COG1: variants seen among roughly 807,000 people sequenced by gnomAD.
The protein encoded by COG1 is component of oligomeric golgi complex 1, also known as conserved oligomeric Golgi complex subunit 1.
Under a neutral mutation model 102.2 loss-of-function variants are expected in COG1, and 61 were observed. The ratio of observed to expected loss-of-function variants is 0.60; its 90% confidence interval spans 0.49 to 0.74. The LOEUF is 0.74. Ranked by LOEUF, COG1 falls within the 30% of genes least tolerant of loss-of-function variation. The probability of loss-of-function intolerance (pLI) is 0.00; values close to 1 mark genes in which losing one functional copy is unlikely to be tolerated. For missense variants in COG1, 1,164 were observed against 1,232.1 expected (o/e 0.94, Z 0.83); for synonymous variants, 454 against 493.6 (o/e 0.92, Z 1.06).
intron 13 of COG1, chr17:73,207,730 ATCC>A (rs1160470688): frequency 1.2e-5 from 15 of 1,291,628 alleles, no homozygotes; most frequent in South Asian, 2.5e-5. Flanking sequence ...GCCTGCAGGA[ATCC>A]TCCTGGGTAT....
chr17:73,200,652 T>C lies in COG1; in HGVS notation c.1157T>C (p.Met386Thr), dbSNP rs200459268. ...MKGLAGIRDAMWELLTNESTN... is the reference protein window; with the variant it reads ...MKGLAGIRDATWELLTNESTN... ...GGTCTCGCGGGAATCCGGGACGCCA[T>C]GTGGGAGTTACTTACCAATGAGTCC... The change falls in exon 6 of 14, where the codon ATG (methionine) becomes ACG (threonine). Residue 386 changes from methionine (M) to threonine (T), a missense_variant. By Grantham distance (81) the Met-to-Thr change is moderately conservative. Transcript: ENST00000299886. 1.9e-5 allele frequency: 30 copies of C among 1,614,170 alleles called. No individual in the cohort carries two copies. Among genetic ancestry groups the C allele is most frequent in the East Asian group, 2.2e-5 (1 of 44,874 alleles).
rs74430181 is a variant in COG1, at chr17:73,200,348, G to A, written c.1071-218G>A. ...AGGGTCCAGACTTGCGTATATCCTCGGGGAAGCAAGGGTAGGCCTGGTGTG... is the reference window on the plus strand; with the variant it reads ...AGGGTCCAGACTTGCGTATATCCTCAGGGAAGCAAGGGTAGGCCTGGTGTG... On this transcript the variant is annotated intron_variant, in intron 5 of 13. Coordinates refer to ENST00000299886, the MANE Select transcript of COG1 (RefSeq NM_018714.3). Among the ~76,000 whole-genome samples, 20 of 152,164 alleles carry A rather than the reference G, an allele frequency of 1.3e-4. 1 individual carries two copies. The East Asian group carries it at 3.9e-3, about 29-fold the overall frequency.
Position 73,196,618 on chromosome 17 carries a change from G to A in COG1, c.427G>A (p.Ala143Thr), listed in dbSNP as rs747933899. The A allele has an allele frequency of 8.1e-6, 13 of 1,614,048 alleles. No homozygotes were observed. Among genetic ancestry groups the A allele is most frequent in the African/African-American group, 8.0e-5 (6 of 74,916 alleles). Reference sequence around the variant, plus strand: ...GATGGAAGCCTCTCAGTGTCTCCACGCCACACAGCTCTACCTGCTCTGCTG... The same window carrying A: ...GATGGAAGCCTCTCAGTGTCTCCACACCACACAGCTCTACCTGCTCTGCTG... ...SSMEASQCLH[A>T]TQLYLLCCHL... The change falls in exon 2 of 14, where the codon GCC becomes ACC. Residue 143 changes from alanine (A) to threonine (T), a missense_variant. Coordinates refer to ENST00000299886, the MANE Select transcript of COG1 (RefSeq NM_018714.3).
Position 73,199,859 on chromosome 17 carries a change from C to T in COG1, c.914-6C>T. The T allele has an allele frequency of 6.2e-7, 1 of 1,614,180 alleles. No homozygotes were observed. Among genetic ancestry groups the T allele is most frequent in the African/African-American group, 1.3e-5 (1 of 75,058 alleles). ...TAGATGGCTTCTCACTTGGCCTTCT[C>T]TTTAGGAAAGGGCACTGGTGTCCTG... On this transcript the variant is annotated splice_polypyrimidine_tract_variant and splice_region_variant and intron_variant, in intron 4 of 13. Transcript: ENST00000299886.
intron 7 of COG1, 37 bp downstream of exon 7, chr17:73,201,937 C>G: frequency 6.3e-7 from 1 of 1,590,426 alleles, no homozygotes; most frequent in Admixed American, 1.7e-5. Context: ...TCTTGTCTCA[C>G]TTCTGTCATA....
rs982941411 is a variant in COG1, at chr17:73,200,607, T to C, written c.1112T>C (p.Met371Thr). ...AAAAATGGGATCACCAACCTGCTCA[T>C]GTACGTGAAGAGCATGAAGGGTCTC... ...DIKNGITNLLMYVKSMKGLAG... is the reference protein window; with the variant it reads ...DIKNGITNLLTYVKSMKGLAG... The change falls in exon 6 of 14, where the codon ATG becomes ACG. Residue 371 changes from methionine (M) to threonine (T), a missense_variant. Physicochemically the swap from Met to Thr is moderately conservative, Grantham distance 81. Transcript: ENST00000299886. 10 of 1,614,056 alleles carry C rather than the reference T, an allele frequency of 6.2e-6. No individual in the cohort carries two copies. The highest frequency in any genetic ancestry group is 2.7e-5 in the African/African-American group (2 of 74,920).
chr17:73,205,789 T>A, intron 10 of COG1, 109 bp downstream of exon 10: 1 of 1,424,324 alleles, frequency 7.0e-7, no homozygotes, highest in Non-Finnish European at 9.9e-7. Flanking sequence ...ATTCATTGTG[T>A]TTGTTTTGAA....
At chr17:73,195,011 G>T (rs1449999126) in intron 1 of COG1, among the ~76,000 whole-genome samples, 1 of 152,170 alleles carries the variant, frequency 6.6e-6, no homozygotes, top group Non-Finnish European at 1.5e-5. Flanking sequence ...GCATATTTTT[G>T]AAATGAGTGA....
At chr17:73,198,507 G>T (rs1177051810) in intron 4 of COG1, among the ~76,000 whole-genome samples, 1 of 152,192 alleles carries the variant, frequency 6.6e-6, no homozygotes, top group Non-Finnish European at 1.5e-5. Context: ...GATCATTTGA[G>T]CCAGGGAGGT....
At position 73,206,282 on chromosome 17, in the gene COG1, T is replaced by A; in HGVS notation, c.2619+20T>A. 6.3e-7 allele frequency: 1 copy of A among 1,587,228 alleles called. No individual in the cohort carries two copies. On this transcript the variant is annotated intron_variant, in intron 11 of 13. Transcript: ENST00000299886. ...ACTTCTGTGAGTCAAATCAAAAACA[T>A]GCTTAGTGCGAACGAAGCGATACAG...
chr17:73,208,043 T>C, intron 13 of COG1: 1 of 1,356,680 alleles, frequency 7.4e-7, no homozygotes, highest in East Asian at 3.1e-5. Flanking sequence ...TCTGCCCACA[T>C]TAGGTTAGCA....
chr17:73,199,833 C>T, intron 4 of COG1, 32 bp from the exon 5 acceptor site: 1 of 1,613,868 alleles, frequency 6.2e-7, no homozygotes, highest in Non-Finnish European at 8.5e-7. Context: ...AAAGGGTGGC[C>T]TAGATGGCTT....
At position 73,201,438 on chromosome 17, in the gene COG1, C is replaced by A. The variant is rs780763346; in HGVS notation, c.1611C>A (p.Pro537=). Residue 537 remains proline (P), a synonymous_variant, in exon 7 of 14, where the codon CCC becomes CCA. Transcript: ENST00000299886. ...TAGATGACCTCCTGGCTTACCTCCC[C>A]TCTGATGACTCATCACTGCCCAAGG... ...VKLDDLLAYL[P]SDDSSLPKDV... is the part of the protein sequence containing the mutation. 6.2e-7 allele frequency: 1 copy of A among 1,614,264 alleles called. No individual in the cohort carries two copies. Among genetic ancestry groups the A allele is most frequent in the South Asian group, 1.1e-5 (1 of 91,086 alleles).
chr17:73,206,638 CTTTTTTT>C, intron 11 of COG1, 63 bp from the exon 12 acceptor site: 1 of 820,266 alleles, frequency 1.2e-6, no homozygotes, highest in East Asian at 2.7e-5. Context: ...GGTGACTAAC[CTTTTTTT>C]TTTTTTTTTT....
At chr17:73,204,585 A>T (rs1423950198) in intron 9 of COG1, among the ~76,000 whole-genome samples, 4 of 126,460 alleles carry the variant, frequency 3.2e-5, no homozygotes, top group Non-Finnish European at 4.7e-5. Context: ...TTTGAGACAG[A>T]GTCTCACTCT....
At position 73,201,717 on chromosome 17, in the gene COG1, G is replaced by A. The variant is rs146046236; in HGVS notation, c.1890G>A (p.Gln630=). The change falls in exon 7 of 14, where the codon CAG becomes CAA. Residue 630 remains glutamine, a synonymous_variant. Coordinates refer to ENST00000299886, the MANE Select transcript of COG1 (RefSeq NM_018714.3). The stretch of plus-strand genomic sequence containing the variant: ...GAGAGCTGTGCCCCCATCTGAAGCA[G>A]TGCATCCTGGGAAAATCAGAGAGCT... ...SLGELCPHLK[Q]CILGKSESSE... is the part of the protein sequence containing the mutation. 83 of 1,614,110 alleles carry A rather than the reference G, an allele frequency of 5.1e-5. No individual in the cohort carries two copies. Among genetic ancestry groups the A allele is most frequent in the Non-Finnish European group, 6.8e-5 (80 of 1,180,048 alleles).
rs1599328626 is a variant in COG1, at chr17:73,203,082, T to C, written c.2156T>C (p.Leu719Pro). 1.2e-6 allele frequency: 2 copies of C among 1,614,108 alleles called. No individual in the cohort carries two copies. Among genetic ancestry groups the C allele is most frequent in the South Asian group, 1.1e-5 (1 of 91,066 alleles). The change falls in exon 8 of 14, where the codon CTA becomes CCA. Residue 719 changes from leucine (L) to proline (P), a missense_variant. Leu to Pro is a moderately conservative substitution (Grantham distance 98, BLOSUM62 -3). Coordinates refer to ENST00000299886, the MANE Select transcript of COG1 (RefSeq NM_018714.3). ...VLATATSWDE[L>P]EIQEEAESGS... ...GCCACAGCCACCAGCTGGGATGAGC[T>C]AGAAATTCAGGAGGAGGCAGAGTCT...
Position 73,203,472 on chromosome 17 carries a change from C to T in COG1, c.2221-160C>T, listed in dbSNP as rs1442335837. ...GCAGTAACAGCAAATTGCACTTAAC[C>T]AGGGGCCTTGTGTCTGCTGAACAGT... On this transcript the variant is annotated intron_variant, in intron 8 of 13. Transcript: ENST00000299886. 6.9e-5 allele frequency: 61 copies of T among 883,962 alleles called. No individual in the cohort carries two copies. The South Asian group carries it at 9.2e-4, about 13-fold the overall frequency. The allele number at this position is 883,962 out of a possible 1,614,324, so 54.8% of individuals were successfully genotyped here. A position where few individuals can be genotyped will look rare whatever the true frequency, so the allele number is the denominator to read the frequency against.
At chr17:73,207,639 G>T in intron 13 of COG1, 1 of 1,232,180 alleles carries the variant, frequency 8.1e-7, no homozygotes, top group Non-Finnish European at 1.1e-6. Flanking sequence ...TGGGTGGGAA[G>T]TAACAGAAAA....
Sources: allele counts gnomAD v4.1 joint callset (sites outside exome capture counted in the v4.1 genomes callset), GRCh38; gene constraint gnomAD v4.1.1; transcripts MANE v1.5; gene names NCBI Gene and HGNC (gene_info 2026-07-23, HGNC 2026-07-21).